The following P2RY12 variants were observed in gnomAD, a reference collection of about 807,000 sequenced individuals.
The protein encoded by P2RY12 is purinergic receptor P2Y12.
P2RY12 carries 3 observed loss-of-function variants against 4.5 expected under a neutral mutation model. The ratio of observed to expected loss-of-function variants is 0.67; its 90% CI spans 0.31 to 1.74. The LOEUF is 1.74. Ranked by LOEUF, P2RY12 falls within the 40% of genes most tolerant of loss-of-function variation. P2RY12 has a pLI of 0.09. For missense variants in P2RY12, 356 were observed against 407.8 expected (o/e 0.87, Z 1.09); for synonymous variants, 148 against 154.1 (o/e 0.96, Z 0.29).
chr3:151,361,911 C>T (rs146880279), intron 1 of P2RY12, among the ~76,000 whole-genome samples: 42 of 152,118 alleles, frequency 2.8e-4, no homozygotes, highest in African/African-American at 9.4e-4. Flanking sequence ...AAAGTAAATG[C>T]TTATTTAATG....
chr3:151,338,672 G>A lies in P2RY12; in HGVS notation c.174C>T (p.Asn58=), dbSNP rs1560046839. The A allele has an allele frequency of 6.2e-7, 1 of 1,613,724 alleles. No homozygotes were observed. The highest frequency in any genetic ancestry group is 8.5e-7 in the Non-Finnish European group (1 of 1,179,908). Reference sequence around the variant, plus strand: ...CTGTGTTCTTAAGAAAAATAATAAAGTTTGATTTACTCCGGATTTGAAAGA... The same window carrying A: ...CTGTGTTCTTAAGAAAAATAATAAAATTTGATTTACTCCGGATTTGAAAGA... ...RIFFQIRSKS[N]FIIFLKNTVI... Residue 58 remains asparagine (N), a synonymous_variant, in exon 3 of 3, where the codon AAC becomes AAT. Coordinates refer to ENST00000302632, the MANE Select transcript of P2RY12 (RefSeq NM_022788.5).
At chr3:151,359,472 C>T (rs1352886) in intron 1 of P2RY12, among the ~76,000 whole-genome samples, 46,872 of 151,934 alleles carry the variant, frequency 0.31, 7,507 homozygotes, top group East Asian at 0.49. Flanking sequence ...ACCTATGGTA[C>T]CTGTGATTCC....
At chr3:151,340,314 A>G (rs903258389) in intron 2 of P2RY12, among the ~76,000 whole-genome samples, 1 of 152,146 alleles carries the variant, frequency 6.6e-6, no homozygotes, top group African/African-American at 2.4e-5. Flanking sequence ...AGCTCCCTTT[A>G]TCTGTATTTA....
intron 1 of P2RY12, among the ~76,000 whole-genome samples, chr3:151,369,153 G>A (rs1183923595): frequency 1.3e-5 from 2 of 152,294 alleles, no homozygotes; most frequent in South Asian, 2.1e-4. Flanking sequence ...CATATAGATA[G>A]GCATGTGTCT....
rs942853137 is a variant in P2RY12 at position 151,375,925 on chromosome 3, A to G, written c.-180+8767T>C. On this transcript the variant is annotated intron_variant, in intron 1 of 2. Transcript: ENST00000302632. ...TAATTTTTTAAATTGGAAAATTCCT[A>G]TCAGTTTTCTATTCAATTATGCACT... 2 of 619,216 alleles carry G rather than the reference A, an allele frequency of 3.2e-6. 1 individual carries two copies. Among genetic ancestry groups the G allele is most frequent in the Non-Finnish European group, 4.8e-6 (2 of 416,482 alleles). 38.4% of individuals were successfully genotyped at this position (619,216 alleles called of 1,614,324 possible).
intron 1 of P2RY12, among the ~76,000 whole-genome samples, chr3:151,341,011 T>G (rs1401457903): frequency 2.0e-5 from 3 of 152,176 alleles, no homozygotes; most frequent in South Asian, 2.1e-4. Context: ...ATGGTTATTT[T>G]CTATGCAAAT....
chr3:151,378,291 G>T, intron 1 of P2RY12: 2 of 1,049,632 alleles, frequency 1.9e-6, no homozygotes, highest in Admixed American at 3.4e-5. Context: ...GTTTTTAAAT[G>T]GAACTGGGAA....
chr3:151,344,338 AAC>A (rs1160840190), intron 1 of P2RY12, among the ~76,000 whole-genome samples: 1 of 151,978 alleles, frequency 6.6e-6, no homozygotes, highest in Non-Finnish European at 1.5e-5. Context: ...TCATTCCTGT[AAC>A]AGTTTCCTCA....
At chr3:151,367,941 T>C (rs1193735318) in intron 1 of P2RY12, among the ~76,000 whole-genome samples, 2 of 152,188 alleles carry the variant, frequency 1.3e-5, no homozygotes, top group African/African-American at 4.8e-5. Context: ...TTAACATGTA[T>C]CACCGTGAAA....
intron 1 of P2RY12, among the ~76,000 whole-genome samples, chr3:151,375,709 G>GA (rs1756763478): frequency 6.6e-6 from 1 of 151,968 alleles, no homozygotes; most frequent in Non-Finnish European, 1.5e-5. Flanking sequence ...TAGCAAGTTA[G>GA]AAAAAACTGA....
At chr3:151,364,171 A>G (rs1467586024) in intron 1 of P2RY12, among the ~76,000 whole-genome samples, 1 of 152,188 alleles carries the variant, frequency 6.6e-6, no homozygotes, top group Non-Finnish European at 1.5e-5. Flanking sequence ...CTAAGTTTAT[A>G]TAGAATCTGA....
intron 1 of P2RY12, chr3:151,369,498 A>G (rs1347591300): frequency 6.2e-7 from 1 of 1,612,260 alleles, no homozygotes; most frequent in African/African-American, 1.3e-5. Flanking sequence ...TGCTCACAAC[A>G]GCATTGAAGT....
chr3:151,338,607 T>C lies in P2RY12; in HGVS notation c.239A>G (p.Lys80Arg), dbSNP rs1488067482. ...DLLMILTFPF[K>R]ILSDAKLGTG... ...TCCCAGTTTGGCATCACTAAGAATT[T>C]TGAATGGAAAAGTCAGAATCATGAG... The change falls in exon 3 of 3, where the codon AAA (lysine) becomes AGA (arginine). Residue 80 changes from lysine to arginine, a missense_variant. Coordinates refer to ENST00000302632, the MANE Select transcript of P2RY12 (RefSeq NM_022788.5). 6.2e-7 allele frequency: 1 copy of C among 1,613,886 alleles called. No homozygotes were observed. Among genetic ancestry groups the C allele is most frequent in the Admixed American group, 1.7e-5 (1 of 59,952 alleles).
chr3:151,356,680 A>G (rs1753964007), intron 1 of P2RY12, among the ~76,000 whole-genome samples: 1 of 152,062 alleles, frequency 6.6e-6, no homozygotes, highest in Non-Finnish European at 1.5e-5. Flanking sequence ...TCCTGAAGCA[A>G]AGATGAAAGT....
chr3:151,371,144 TTTC>T (rs1756134752), intron 1 of P2RY12, among the ~76,000 whole-genome samples: 1 of 152,180 alleles, frequency 6.6e-6, no homozygotes, highest in Non-Finnish European at 1.5e-5. Context: ...TTCTCTTTCT[TTTC>T]TTTTCCTTTC....
At chr3:151,363,296 A>G (rs1754852735) in intron 1 of P2RY12, among the ~76,000 whole-genome samples, 1 of 152,178 alleles carries the variant, frequency 6.6e-6, no homozygotes, top group Non-Finnish European at 1.5e-5. Context: ...AAATGGGCAA[A>G]CAAAAGCTGG....
At chr3:151,384,324 T>C (rs1712931736) in intron 1 of P2RY12, 1 of 1,147,800 alleles carries the variant, frequency 8.7e-7, no homozygotes, top group African/African-American at 1.6e-5. Context: ...GTATTCAACT[T>C]AATTTAATGT....
At chr3:151,350,396 A>AAAATATTAATACAAGGTATTAATATT (rs1753076485) in intron 1 of P2RY12, among the ~76,000 whole-genome samples, 1 of 152,086 alleles carries the variant, frequency 6.6e-6, no homozygotes, top group African/African-American at 2.4e-5. Flanking sequence ...CCCTTGTATT[A>AAAATATTAATACAAGGTATTAATATT]AAATATTAAT....
At chr3:151,349,956 C>CGCAAGCCA in intron 1 of P2RY12, 1 of 1,072,662 alleles carries the variant, frequency 9.3e-7, no homozygotes. Flanking sequence ...ATGCCACCAC[C>CGCAAGCCA]GCAAGCCAGC....
Sources: gnomAD v4.1 joint callset for allele counts (sites outside exome capture counted in the v4.1 genomes callset) on GRCh38, gnomAD v4.1.1 for gene constraint, MANE v1.5 for transcripts, NCBI Gene and HGNC (gene_info 2026-07-23, HGNC 2026-07-21) for gene names.